The following ZBTB16 variants were observed in gnomAD, a reference collection of about 807,000 sequenced individuals.
The protein encoded by ZBTB16 is zinc finger and BTB domain-containing protein 16.
A neutral mutation model predicts 56.8 loss-of-function variants in ZBTB16; 8 were observed. That is an observed-to-expected ratio of 0.14 (90% confidence interval 0.08 to 0.25). ZBTB16 has a LOEUF of 0.25. ZBTB16 is among the 10% of genes least tolerant of loss of function. The pLI is 1.00. For synonymous variants in ZBTB16, 363 were observed against 368.5 expected, an observed-to-expected ratio of 0.98 and a Z score of 0.17; for missense variants, 625 against 903.0, an observed-to-expected ratio of 0.69 and a Z score of 3.95.
chr11:114,161,629 C>A (rs1040952779), intron 3 of ZBTB16, among the ~76,000 whole-genome samples: 1 of 152,078 alleles, frequency 6.6e-6, no homozygotes, highest in Non-Finnish European at 1.5e-5. Context: ...GGTGGTGTAA[C>A]CTGCGAGTGT....
intron 3 of ZBTB16, among the ~76,000 whole-genome samples, chr11:114,165,425 C>T (rs1189417344): frequency 6.6e-6 from 1 of 152,350 alleles, no homozygotes; most frequent in African/African-American, 2.4e-5. Flanking sequence ...CTCTCCTGGG[C>T]CAGTACTGTG....
At chr11:114,212,738 G>A (rs1944020790) in intron 4 of ZBTB16, among the ~76,000 whole-genome samples, 1 of 152,058 alleles carries the variant, frequency 6.6e-6, no homozygotes, top group Non-Finnish European at 1.5e-5. Flanking sequence ...TTTGAGACTT[G>A]GGAACCACCC....
intron 2 of ZBTB16, among the ~76,000 whole-genome samples, chr11:114,100,982 G>C (rs1320704243): frequency 1.3e-5 from 2 of 152,034 alleles, no homozygotes; most frequent in African/African-American, 4.8e-5. Context: ...TTCATGGCCA[G>C]GAGCGTTGCA....
In ZBTB16 at chr11:114,143,047, T is replaced by C. The variant is rs1941998097; in HGVS notation, c.1269-13290T>C. On this transcript the variant is annotated intron_variant, in intron 2 of 6. Transcript: ENST00000335953. The surrounding 1 kb of genome is among the most constrained non-coding windows in gnomAD (Gnocchi z 6.4). Reference sequence around the variant, plus strand: ...GGGGAAATAAAGCCCCTGGCCAGCGTTGGTTTCTCTGCTGCCTTGGTGAGC... The same window carrying C: ...GGGGAAATAAAGCCCCTGGCCAGCGCTGGTTTCTCTGCTGCCTTGGTGAGC... Among the ~76,000 whole-genome samples the C allele has an allele frequency of 6.6e-6, 1 of 152,136 alleles. No individual in the cohort carries two copies. Among genetic ancestry groups the C allele is most frequent in the African/African-American group, 2.4e-5 (1 of 41,402 alleles).
At position 114,169,258 on chromosome 11, in the gene ZBTB16, C is replaced by T. The variant is rs116444944; in HGVS notation, c.1366+12824C>T. On this transcript the variant is annotated intron_variant, in intron 3 of 6. Coordinates refer to ENST00000335953, the MANE Select transcript of ZBTB16 (RefSeq NM_006006.6). ...CTGTGACCACTTGGGCTATTACTAGCGCCTTAGACTTCAAGCGTCTTGGAG... is the reference window on the plus strand; with the variant it reads ...CTGTGACCACTTGGGCTATTACTAGTGCCTTAGACTTCAAGCGTCTTGGAG... 4.6e-3 allele frequency among the ~76,000 whole-genome samples: 708 copies of T among 152,306 alleles called. 7 individuals carry two copies. The highest frequency in any genetic ancestry group is 0.016 in the African/African-American group (664 of 41,556).
At chr11:114,173,574 GC>G (rs1258804092) in intron 3 of ZBTB16, among the ~76,000 whole-genome samples, 1 of 152,158 alleles carries the variant, frequency 6.6e-6, no homozygotes, top group African/African-American at 2.4e-5. Flanking sequence ...TACGTACTCA[GC>G]CCCAAGATAA....
intron 2 of ZBTB16, among the ~76,000 whole-genome samples, chr11:114,068,507 T>C (rs1939210314): frequency 6.6e-6 from 1 of 152,152 alleles, no homozygotes; most frequent in South Asian, 2.1e-4. Flanking sequence ...GGATGCAGTG[T>C]CAAGTGTAGT....
chr11:114,106,363 A>G (rs1325304295), intron 2 of ZBTB16, among the ~76,000 whole-genome samples: 3 of 152,232 alleles, frequency 2.0e-5, no homozygotes, highest in Non-Finnish European at 4.4e-5. Flanking sequence ...ATGATGGATT[A>G]CATGGGAAAA....
chr11:114,167,450 T>C (rs1033116371), intron 3 of ZBTB16, among the ~76,000 whole-genome samples: 3 of 144,994 alleles, frequency 2.1e-5, no homozygotes, highest in Non-Finnish European at 3.0e-5. Context: ...TGATTAAAAA[T>C]AGATGCCTTG....
chr11:114,106,446 A>G (rs1303686261), intron 2 of ZBTB16, among the ~76,000 whole-genome samples: 2 of 151,698 alleles, frequency 1.3e-5, no homozygotes, highest in Non-Finnish European at 2.9e-5. Context: ...AAACTTGTAT[A>G]CATTGGTCTA....
chr11:114,071,019 C>T (rs994209911), intron 2 of ZBTB16, among the ~76,000 whole-genome samples: 1 of 152,128 alleles, frequency 6.6e-6, no homozygotes, highest in Non-Finnish European at 1.5e-5. Context: ...CCATTGACAT[C>T]GTTTTTTTCA....
At chr11:114,229,155 G>A (rs531973018) in intron 4 of ZBTB16, among the ~76,000 whole-genome samples, 22 of 152,304 alleles carry the variant, frequency 1.4e-4, no homozygotes, top group African/African-American at 5.3e-4. Flanking sequence ...ATTTAATTGC[G>A]AGTGGCCTGA....
chr11:114,198,388 G>A (rs1037420014), intron 4 of ZBTB16, among the ~76,000 whole-genome samples: 1 of 88,546 alleles, frequency 1.1e-5, no homozygotes, highest in Non-Finnish European at 2.2e-5. Context: ...GCCTAATATA[G>A]AGTTTTATTT....
intron 1 of ZBTB16, chr11:114,061,363 C>T (rs1300915564): frequency 1.3e-5 from 2 of 152,210 alleles, no homozygotes; most frequent in Admixed American, 6.5e-5. Flanking sequence ...TTGGCTGTTC[C>T]CTCCTAGTTC....
chr11:114,175,398 C>T (rs1482044425), intron 3 of ZBTB16, among the ~76,000 whole-genome samples: 1 of 152,086 alleles, frequency 6.6e-6, no homozygotes, highest in Non-Finnish European at 1.5e-5. Flanking sequence ...ACTTTACATG[C>T]AATATACCAG....
intron 4 of ZBTB16, chr11:114,209,525 C>T: frequency 1.0e-6 from 1 of 985,396 alleles, no homozygotes; most frequent in Non-Finnish European, 1.2e-6. Flanking sequence ...GTGCTCCCTC[C>T]TGGCCTCTGA....
chr11:114,235,999 G>A (rs958330747), intron 4 of ZBTB16, among the ~76,000 whole-genome samples: 3 of 151,878 alleles, frequency 2.0e-5, no homozygotes, highest in African/African-American at 7.3e-5. Context: ...AGTCTCGATA[G>A]CATCATCCTT....
At chr11:114,086,318 C>T (rs1338851156) in intron 2 of ZBTB16, among the ~76,000 whole-genome samples, 3 of 151,952 alleles carry the variant, frequency 2.0e-5, no homozygotes, top group East Asian at 3.9e-4. Flanking sequence ...CCTTCTTTTT[C>T]TCCTTGGTGT....
In ZBTB16 at chr11:114,096,775, G is replaced by A. The variant is rs917743048; in HGVS notation, c.1268+32207G>A. On this transcript the variant is annotated intron_variant, in intron 2 of 6. Transcript: ENST00000335953. ...ACTGTGTACCCTTGCGTGGCTTCCC[G>A]CTTCAGCGACATTGTTGACTTCAGT... 6.6e-5 allele frequency among the ~76,000 whole-genome samples: 10 copies of A among 152,176 alleles called. No homozygotes were observed. The East Asian group carries it at 1.9e-3, about 29-fold the overall frequency.
Sources: allele counts gnomAD v4.1 joint callset (sites outside exome capture counted in the v4.1 genomes callset), GRCh38; gene constraint gnomAD v4.1.1; non-coding constraint Gnocchi (gnomAD v3.1); transcripts MANE v1.5; gene names NCBI Gene and HGNC (gene_info 2026-07-23, HGNC 2026-07-21).